The following RALYL variants were observed in gnomAD, a reference collection of about 807,000 sequenced individuals.
RALYL encodes the protein RNA-binding Raly-like protein.
Under a neutral mutation model 35.1 loss-of-function variants are expected in RALYL, and 29 were observed. That is an observed-to-expected ratio of 0.83 (90% CI 0.61 to 1.13). The LOEUF is 1.13. RALYL is among the 50% of genes most tolerant of loss of function. The pLI is 0.00. For missense variants in RALYL, 359 were observed against 360.4 expected, an observed-to-expected ratio of 1.00 and a Z score of 0.03; for synonymous variants, 120 against 127.6, an observed-to-expected ratio of 0.94 and a Z score of 0.40.
intron 1 of RALYL, among the ~76,000 whole-genome samples, chr8:84,436,590 T>C (rs1339468415): frequency 1.3e-5 from 2 of 149,602 alleles, no homozygotes; most frequent in Non-Finnish European, 3.0e-5. Flanking sequence ...AAGCTACTTA[T>C]TTATTGTTTG....
At chr8:84,416,509 A>G (rs968291123) in intron 1 of RALYL, among the ~76,000 whole-genome samples, 17 of 152,208 alleles carry the variant, frequency 1.1e-4, no homozygotes, top group African/African-American at 3.4e-4. Context: ...TGGCACTTTC[A>G]AGGAACTGAA....
intron 6 of RALYL, chr8:84,872,954 C>G (rs918088887): frequency 5.7e-5 from 11 of 191,454 alleles, no homozygotes; most frequent in Non-Finnish European, 1.1e-4. Flanking sequence ...CTGAATCCCT[C>G]TCACATTGAA....
At chr8:84,724,750 A>C (rs1844627590) in intron 2 of RALYL, among the ~76,000 whole-genome samples, 2 of 151,810 alleles carry the variant, frequency 1.3e-5, no homozygotes, top group African/African-American at 4.8e-5. Flanking sequence ...TAAGTTGTTT[A>C]AGATTTTGTA....
chr8:84,270,910 G>A (rs1834186857), intron 1 of RALYL, among the ~76,000 whole-genome samples: 1 of 151,928 alleles, frequency 6.6e-6, no homozygotes, highest in Admixed American at 6.6e-5. Context: ...AGTCAGAGGA[G>A]TCAAATGGAA....
chr8:84,681,712 T>G (rs117698032), intron 2 of RALYL, among the ~76,000 whole-genome samples: 2,827 of 152,346 alleles, frequency 0.019, 39 homozygotes, highest in Middle Eastern at 0.034. Context: ...TTTGCCGCAG[T>G]TGCTTATCAG....
chr8:84,332,278 T>G (rs1351736082), intron 1 of RALYL, among the ~76,000 whole-genome samples: 1 of 152,162 alleles, frequency 6.6e-6, no homozygotes, highest in Non-Finnish European at 1.5e-5. Flanking sequence ...TACCTTTCTT[T>G]GTTTTGGAGG....
At chr8:84,261,571 AC>A (rs991820448) in intron 1 of RALYL, among the ~76,000 whole-genome samples, 2 of 151,980 alleles carry the variant, frequency 1.3e-5, no homozygotes, top group Admixed American at 1.3e-4. Flanking sequence ...CTCTTTCCTT[AC>A]CCAGTCTCAG....
At chr8:84,217,621 GA>G (rs1305518704) in intron 1 of RALYL, among the ~76,000 whole-genome samples, 4 of 151,984 alleles carry the variant, frequency 2.6e-5, no homozygotes, top group Admixed American at 2.6e-4. Context: ...TCATATATAC[GA>G]TTTTTTAAAG....
intron 1 of RALYL, among the ~76,000 whole-genome samples, chr8:84,455,310 G>A (rs1447781665): frequency 1.3e-5 from 2 of 151,854 alleles, no homozygotes; most frequent in Admixed American, 1.3e-4. Flanking sequence ...AAAAGATAAG[G>A]CATTCACTGT....
chr8:84,805,771 A>T (rs181287990), intron 4 of RALYL, among the ~76,000 whole-genome samples: 1 of 152,348 alleles, frequency 6.6e-6, no homozygotes, highest in African/African-American at 2.4e-5. Flanking sequence ...TTTCAAACTA[A>T]GAATAAGCAA....
At chr8:84,399,826 G>A (rs1300939052) in intron 1 of RALYL, among the ~76,000 whole-genome samples, 1 of 152,230 alleles carries the variant, frequency 6.6e-6, no homozygotes, top group African/African-American at 2.4e-5. Flanking sequence ...GTCTGAAGGA[G>A]ACACAGGTTG....
chr8:84,383,493 A>C (rs947365213), intron 1 of RALYL, among the ~76,000 whole-genome samples: 1 of 151,670 alleles, frequency 6.6e-6, no homozygotes, highest in Non-Finnish European at 1.5e-5. Context: ...AAAAAAGAAA[A>C]GAGTATGTTT....
At chr8:84,318,702 A>G (rs1844241995) in intron 1 of RALYL, among the ~76,000 whole-genome samples, 2 of 152,164 alleles carry the variant, frequency 1.3e-5, no homozygotes, top group South Asian at 2.1e-4. Context: ...AAGAGTCTCA[A>G]AAATACTCAT....
intron 8 of RALYL, among the ~76,000 whole-genome samples, chr8:84,895,102 C>G (rs1844504489): frequency 6.6e-6 from 1 of 152,176 alleles, no homozygotes. Context: ...TCTGTAGTTA[C>G]TTAATCTGTT....
intron 2 of RALYL, among the ~76,000 whole-genome samples, chr8:84,581,402 G>A (rs776376960): frequency 6.6e-6 from 1 of 152,084 alleles, no homozygotes; most frequent in Non-Finnish European, 1.5e-5. Flanking sequence ...AATATTGACT[G>A]TACTCAGAGA....
intron 1 of RALYL, among the ~76,000 whole-genome samples, chr8:84,525,818 T>C (rs1461016920): frequency 1.3e-5 from 2 of 151,824 alleles, no homozygotes; most frequent in Non-Finnish European, 2.9e-5. Context: ...ATTTGATTCA[T>C]TTTTTAACAT....
At chr8:84,655,902 C>T (rs112163454) in intron 2 of RALYL, among the ~76,000 whole-genome samples, 3 of 152,182 alleles carry the variant, frequency 2.0e-5, no homozygotes, top group African/African-American at 7.2e-5. Flanking sequence ...AGAGTAGGAT[C>T]CCCTGAATCA....
intron 2 of RALYL, among the ~76,000 whole-genome samples, chr8:84,735,820 GAGA>G (rs1311844532): frequency 1.4e-5 from 2 of 141,498 alleles, no homozygotes; most frequent in African/African-American, 6.1e-5. Flanking sequence ...GCGAGAGAGA[GAGA>G]GAGAGAGAGA....
intron 1 of RALYL, among the ~76,000 whole-genome samples, chr8:84,275,023 C>T (rs573182940): frequency 1.3e-5 from 2 of 152,272 alleles, no homozygotes; most frequent in Non-Finnish European, 1.5e-5. Flanking sequence ...ATCTGGTGTT[C>T]CTCTTGTACC....
Sources: allele counts gnomAD v4.1 joint callset (sites outside exome capture counted in the v4.1 genomes callset), GRCh38; gene constraint gnomAD v4.1.1; transcripts MANE v1.5; gene names NCBI Gene and HGNC (gene_info 2026-07-23, HGNC 2026-07-21).